Variants in PDE4B observed in about 807,000 individuals in gnomAD.
The protein encoded by PDE4B is phosphodiesterase 4B, also known as 3',5'-cyclic-AMP phosphodiesterase 4B.
In PDE4B, 20 loss-of-function variants were observed where a neutral mutation model predicts 82.2. That is an observed-to-expected ratio of 0.24 (90% confidence interval 0.17 to 0.35). The LOEUF (loss-of-function observed/expected upper bound fraction) is 0.35. Ranked by LOEUF, PDE4B falls within the 10% of genes least tolerant of loss-of-function variation. The probability of loss-of-function intolerance (pLI) is 1.00; values close to 1 mark genes in which losing one functional copy is unlikely to be tolerated. For missense variants in PDE4B, 655 were observed against 907.2 expected, an observed-to-expected ratio of 0.72 and a Z score of 3.57; for synonymous variants, 320 against 318.9, an observed-to-expected ratio of 1.00 and a Z score of -0.04.
At chr1:66,331,914 T>A in intron 7 of PDE4B, 1 of 991,248 alleles carries the variant, frequency 1.0e-6, no homozygotes, top group Non-Finnish European at 1.2e-6. Context: ...CTCTTACTTG[T>A]GCGGGTCAGT....
rs2227297 is a variant in PDE4B, at chr1:66,372,574, A to C, written c.2107A>C (p.Ser703Arg). The change falls in exon 17 of 17, where the codon AGC becomes CGC. Residue 703 changes from serine to arginine, a missense_variant. This residue lies in a region of PDE4B where 119 missense variants were observed against 115.2 expected (regional missense o/e 1.03). Coordinates refer to ENST00000341517, the MANE Select transcript of PDE4B (RefSeq NM_002600.4). ...EKEGEGHSYF[S>R]STKTLCVIDP... ...GGAGGGAGAGGGACACAGCTATTTC[A>C]GCAGCACAAAGACGCTTTGTGTGAT... 2 of 1,614,186 alleles carry C rather than the reference A, an allele frequency of 1.2e-6. No individual in the cohort carries two copies. Among genetic ancestry groups the C allele is most frequent in the Non-Finnish European group, 1.7e-6 (2 of 1,179,998 alleles).
At chr1:66,029,840 C>G (rs1208809448) in intron 3 of PDE4B, among the ~76,000 whole-genome samples, 1 of 152,078 alleles carries the variant, frequency 6.6e-6, no homozygotes, top group African/African-American at 2.4e-5. Context: ...TAACCACTTT[C>G]AAATTTCTCA....
At chr1:66,367,890 TTC>T in intron 14 of PDE4B, 40 bp downstream of exon 14, 1 of 1,612,726 alleles carries the variant, frequency 6.2e-7, no homozygotes, top group South Asian at 1.1e-5. Flanking sequence ...CTTACTGCCA[TTC>T]TCTCTGATAG....
intron 3 of PDE4B, chr1:66,152,528 A>G: frequency 6.1e-6 from 2 of 329,136 alleles, no homozygotes; most frequent in South Asian, 2.5e-5. Flanking sequence ...AACAGAACTG[A>G]TGAGGTATGT....
chr1:66,200,802 T>C (rs1084480), intron 3 of PDE4B, among the ~76,000 whole-genome samples: 70,842 of 151,902 alleles, frequency 0.47, 16,675 homozygotes, highest in African/African-American at 0.53. Flanking sequence ...ACAGGGAGAA[T>C]TTACTTCCTC....
At chr1:66,019,248 C>A (rs1937446) in intron 3 of PDE4B, among the ~76,000 whole-genome samples, 5 of 151,666 alleles carry the variant, frequency 3.3e-5, no homozygotes, top group Non-Finnish European at 5.9e-5. Context: ...ATTTAAAAAG[C>A]AATTTTTAGA....
At chr1:66,068,429 AT>A in intron 3 of PDE4B, among the ~76,000 whole-genome samples, 1 of 152,096 alleles carries the variant, frequency 6.6e-6, no homozygotes, top group Non-Finnish European at 1.5e-5. Context: ...GAGAAATGAC[AT>A]CACATTTTTA....
rs145878092 is a variant in PDE4B at position 66,211,683 on chromosome 1, G to A, written c.282-35777G>A. Among the ~76,000 whole-genome samples, 789 of 152,324 alleles carry A rather than the reference G, an allele frequency of 5.2e-3. 30 individuals carry two copies. The highest frequency in any genetic ancestry group is 0.047 in the Admixed American group (713 of 15,288). On this transcript the variant is annotated intron_variant, in intron 3 of 16. Transcript: ENST00000341517. The stretch of plus-strand genomic sequence containing the variant: ...TATAAATAAACTGTAACTTAGGGGA[G>A]CGAAGTAACTTGTCTAATGTTCTAC...
intron 9 of PDE4B, among the ~76,000 whole-genome samples, chr1:66,359,907 CTG>C (rs1193051571): frequency 6.6e-6 from 1 of 152,170 alleles, no homozygotes; most frequent in East Asian, 1.9e-4. Context: ...TACTAAATCA[CTG>C]TGTCTGGAGC....
chr1:66,216,480 T>C (rs1273515996), intron 3 of PDE4B, among the ~76,000 whole-genome samples: 3 of 152,180 alleles, frequency 2.0e-5, no homozygotes, highest in Non-Finnish European at 4.4e-5. Flanking sequence ...CAGTTGTGAA[T>C]GTTCAACTAC....
At chr1:65,815,215 C>A (rs1027586075) in intron 1 of PDE4B, among the ~76,000 whole-genome samples, 16 of 142,736 alleles carry the variant, frequency 1.1e-4, no homozygotes, top group Non-Finnish European at 2.3e-4. Context: ...CCCTCCCCCC[C>A]ACCCTCAACA....
rs551943664 is a variant in PDE4B at position 65,847,756 on chromosome 1, G to A, written c.-71+54508G>A. 3.3e-5 allele frequency among the ~76,000 whole-genome samples: 5 copies of A among 152,306 alleles called. No homozygotes were observed. The South Asian group carries it at 1.0e-3, about 32-fold the overall frequency. On this transcript the variant is annotated intron_variant, in intron 1 of 16. Transcript: ENST00000341517. The stretch of plus-strand genomic sequence containing the variant: ...TAAGGGAAAGTCCGGAAAGGTGGCA[G>A]TTCTTTAGTATACTATCATCATTTG...
chr1:65,895,810 T>C (rs1646903124), intron 1 of PDE4B, among the ~76,000 whole-genome samples: 1 of 150,806 alleles, frequency 6.6e-6, no homozygotes, highest in African/African-American at 2.4e-5. Context: ...ATATAAATCC[T>C]GGAGAATAAA....
intron 3 of PDE4B, among the ~76,000 whole-genome samples, chr1:66,231,463 T>C (rs1384422293): frequency 1.3e-5 from 2 of 152,230 alleles, no homozygotes; most frequent in Non-Finnish European, 2.9e-5. Flanking sequence ...TGTGAAAAGA[T>C]GAAGTGAGGA....
At position 65,808,789 on chromosome 1, in the gene PDE4B, T is replaced by C. The variant is rs1338784668; in HGVS notation, c.-71+15541T>C. Reference sequence around the variant, plus strand: ...AAGGTTTCTATGTGTATCCTGTACTTGGTAAAGGGTAGAACCTTTTCAGTT... The same window carrying C: ...AAGGTTTCTATGTGTATCCTGTACTCGGTAAAGGGTAGAACCTTTTCAGTT... On this transcript the variant is annotated intron_variant, in intron 1 of 16. Coordinates refer to ENST00000341517, the MANE Select transcript of PDE4B (RefSeq NM_002600.4). 3.9e-5 allele frequency among the ~76,000 whole-genome samples: 6 copies of C among 152,332 alleles called. No individual in the cohort carries two copies. In the East Asian group the frequency reaches 1.2e-3, roughly 29 times the overall value.
intron 3 of PDE4B, chr1:66,046,293 G>T (rs570005002): frequency 6.6e-6 from 1 of 151,730 alleles, no homozygotes; most frequent in African/African-American, 2.4e-5. Flanking sequence ...TAATTCAAAA[G>T]CAGGTATGAA....
At position 66,010,234 on chromosome 1, in the gene PDE4B, A is replaced by G. The variant is rs1433696215; in HGVS notation, c.281+91399A>G. Among the ~76,000 whole-genome samples the G allele has an allele frequency of 6.6e-5, 10 of 152,048 alleles. No individual in the cohort carries two copies. In the South Asian group the frequency reaches 8.3e-4, roughly 13 times the overall value. ...ATGTGAACAGATAATTTAAAATATT[A>G]TGTGATAAATAAAATAGTAAAAATA... On this transcript the variant is annotated intron_variant, in intron 3 of 16. Transcript: ENST00000341517.
chr1:66,180,431 G>A (rs1377105862), intron 3 of PDE4B, among the ~76,000 whole-genome samples: 4 of 152,186 alleles, frequency 2.6e-5, no homozygotes, highest in Non-Finnish European at 5.9e-5. Flanking sequence ...AGAAGTCCTG[G>A]AGGTTTGTAA....
chr1:65,967,659 C>T (rs569709868), intron 3 of PDE4B, among the ~76,000 whole-genome samples: 1 of 152,248 alleles, frequency 6.6e-6, no homozygotes, highest in African/African-American at 2.4e-5. Flanking sequence ...GAAAATGTGG[C>T]TCATATACAC....
Sources: gnomAD v4.1 joint callset for allele counts (sites outside exome capture counted in the v4.1 genomes callset) on GRCh38, gnomAD v4.1.1 for gene constraint, gnomAD v4.1.1 regional missense constraint, MANE v1.5 for transcripts, NCBI Gene and HGNC (gene_info 2026-07-23, HGNC 2026-07-21) for gene names.